Variants in NUP54 observed in about 807,000 individuals in gnomAD.
The protein encoded by NUP54 is nucleoporin p54.
In NUP54, 27 loss-of-function variants were observed where a neutral mutation model predicts 66.4. The observed-to-expected ratio is 0.41, with a 90% CI of 0.30 to 0.56. NUP54 has a LOEUF of 0.56. NUP54 is among the 20% of genes least tolerant of loss of function. NUP54 has a pLI of 0.34. For synonymous variants in NUP54, 206 were observed against 210.7 expected (o/e 0.98, Z 0.19); for missense variants, 486 against 596.3 (o/e 0.82, Z 1.93).
chr4:76,133,391 C>T (rs1730897743), intron 5 of NUP54, among the ~76,000 whole-genome samples: 1 of 151,762 alleles, frequency 6.6e-6, no homozygotes, highest in African/African-American at 2.4e-5. Context: ...CTGCAAGCTC[C>T]GCCTCCTGGG....
At chr4:76,131,741 T>C (rs1487913797) in intron 6 of NUP54, among the ~76,000 whole-genome samples, 2 of 152,120 alleles carry the variant, frequency 1.3e-5, no homozygotes, top group Admixed American at 1.3e-4. Flanking sequence ...TTTGGCAATA[T>C]CTAACATACA....
intron 8 of NUP54, among the ~76,000 whole-genome samples, chr4:76,128,377 T>C (rs1328809574): frequency 8.4e-6 from 1 of 119,304 alleles, no homozygotes; most frequent in African/African-American, 3.4e-5. Flanking sequence ...CTTGAAATAA[T>C]AGATTAAAAG....
chr4:76,140,965 G>A (rs1479764670), intron 3 of NUP54, among the ~76,000 whole-genome samples: 1 of 152,208 alleles, frequency 6.6e-6, no homozygotes, highest in Non-Finnish European at 1.5e-5. Flanking sequence ...AGCTAACAGA[G>A]CAGAAAGTAT....
chr4:76,147,815 G>A (rs553706200), intron 1 of NUP54: 340 of 376,576 alleles, frequency 9.0e-4, no homozygotes, highest in Non-Finnish European at 1.1e-3. Flanking sequence ...GCAGATGGAA[G>A]AAGCATGACG....
intron 9 of NUP54, among the ~76,000 whole-genome samples, chr4:76,123,616 A>G: frequency 6.6e-6 from 1 of 152,014 alleles, no homozygotes; most frequent in African/African-American, 2.4e-5. Context: ...AGGTTCAAGC[A>G]ATTCTCGTGC....
intron 11 of NUP54, among the ~76,000 whole-genome samples, chr4:76,116,949 C>T (rs1241313944): frequency 6.6e-6 from 1 of 152,034 alleles, no homozygotes; most frequent in East Asian, 1.9e-4. Flanking sequence ...AAAATTTTGC[C>T]TGTAACTATT....
In NUP54 at chr4:76,114,807, TAAGTA is replaced by T. The variant is rs1729877777; in HGVS notation, c.*554_*558del. Reference sequence around the variant, plus strand: ...TTAGGTGTGCTCTGTAAATTCCAAATAAGTAAAATAATATAAAAATACATTTTCAT... The same window carrying T: ...TTAGGTGTGCTCTGTAAATTCCAAATAAATAATATAAAAATACATTTTCAT... On this transcript the variant is annotated 3_prime_UTR_variant, in exon 12 of 12. Coordinates refer to ENST00000264883, the MANE Select transcript of NUP54 (RefSeq NM_017426.4). 6.6e-6 allele frequency: 1 copy of T among 152,190 alleles called. No individual in the cohort carries two copies. The highest frequency in any genetic ancestry group is 2.4e-5 in the African/African-American group (1 of 41,460). 9.4% of individuals were successfully genotyped at this position (152,190 alleles called of 1,614,324 possible).
At position 76,130,970 on chromosome 4, in the gene NUP54, A is replaced by T. The variant is rs533177519; in HGVS notation, c.963-221T>A. On this transcript the variant is annotated intron_variant, in intron 7 of 11. Coordinates refer to ENST00000264883, the MANE Select transcript of NUP54 (RefSeq NM_017426.4). ...GTTCAGTCAAAACATTACATTATTA[A>T]ATGAAAACGCAAATAGAATTTTCCG... 3.9e-4 allele frequency: 236 copies of T among 600,270 alleles called. 2 individuals carry two copies. In the South Asian group the frequency reaches 5.0e-3, roughly 13 times the overall value. 37.2% of individuals were successfully genotyped at this position (600,270 alleles called of 1,614,324 possible). A position where few individuals can be genotyped will look rare whatever the true frequency, so the allele number is the denominator to read the frequency against.
At chr4:76,146,175 CT>C (rs1437944119) in intron 1 of NUP54, 1 of 431,196 alleles carries the variant, frequency 2.3e-6, no homozygotes, top group Non-Finnish European at 4.6e-6. Context: ...TCTATCAGCC[CT>C]TTGCTGAAGG....
intron 3 of NUP54, among the ~76,000 whole-genome samples, chr4:76,140,842 G>A (rs571270107): frequency 5.3e-4 from 80 of 152,228 alleles, no homozygotes; most frequent in African/African-American, 1.9e-3. Flanking sequence ...CAAAGGCTTG[G>A]GGTTTTTTCA....
chr4:76,145,476 G>T, intron 1 of NUP54: 1 of 741,164 alleles, frequency 1.3e-6, no homozygotes, highest in Non-Finnish European at 1.8e-6. Context: ...ATTAATTTAT[G>T]TCTAAATTAA....
At chr4:76,133,019 GTA>G (rs373177830) in intron 5 of NUP54, among the ~76,000 whole-genome samples, 158 of 113,268 alleles carry the variant, frequency 1.4e-3, no homozygotes, top group African/African-American at 4.3e-3. Context: ...TAGCTTACAT[GTA>G]TGTGTGTCTA....
At chr4:76,148,107 C>T in intron 1 of NUP54, 1 of 431,316 alleles carries the variant, frequency 2.3e-6, no homozygotes, top group East Asian at 3.5e-5. Flanking sequence ...AAGCGAGCTT[C>T]TAGTGGGACC....
At chr4:76,133,135 C>T (rs528938761) in intron 5 of NUP54, among the ~76,000 whole-genome samples, 35 of 151,740 alleles carry the variant, frequency 2.3e-4, no homozygotes, top group Non-Finnish European at 4.1e-4. Context: ...TGGTCTCAAG[C>T]AATCCTCCCA....
intron 11 of NUP54, among the ~76,000 whole-genome samples, chr4:76,117,193 T>C (rs952823297): frequency 7.2e-5 from 11 of 152,254 alleles, no homozygotes; most frequent in Admixed American, 6.5e-4. Context: ...TATGAGTGGC[T>C]TATTTCATGA....
intron 6 of NUP54, 67 bp downstream of exon 6, chr4:76,132,456 G>C (rs1578682455): frequency 4.8e-6 from 6 of 1,239,046 alleles, no homozygotes; most frequent in Non-Finnish European, 6.6e-6. Flanking sequence ...CAACACCTCT[G>C]AAATACGGGG....
chr4:76,115,509 G>C lies in NUP54; in HGVS notation c.1396-15C>G. 1 of 1,580,492 alleles carries C rather than the reference G, an allele frequency of 6.3e-7. No individual in the cohort carries two copies. Among genetic ancestry groups the C allele is most frequent in the African/African-American group, 1.4e-5 (1 of 73,386 alleles). On this transcript the variant is annotated splice_polypyrimidine_tract_variant and intron_variant, in intron 11 of 11. Transcript: ENST00000264883. ...TGTTTCAAATGCTAGAACAAATTAA[G>C]AAACAACATATTAATGTATTAATTT...
rs1456845125 is a variant in NUP54 at position 76,125,667 on chromosome 4, AG to A, written c.1057-912del. Among the ~76,000 whole-genome samples the A allele has an allele frequency of 5.3e-3, 99 of 18,686 alleles. 10 individuals carry two copies. The highest frequency in any genetic ancestry group is 6.0e-3 in the Non-Finnish European group (64 of 10,612). The allele number at this position is 18,686 out of a possible 152,430, so 12.3% of individuals were successfully genotyped here. A position where few individuals can be genotyped will look rare whatever the true frequency, so the allele number is the denominator to read the frequency against. On this transcript the variant is annotated intron_variant, in intron 8 of 11. Coordinates refer to ENST00000264883, the MANE Select transcript of NUP54 (RefSeq NM_017426.4). The stretch of plus-strand genomic sequence containing the variant: ...GAGAGGGGGAGAGGGAGAGAGGGGG[AG>A]AGAGGGAGAGAGGGAGAGGGAGAGA...
At chr4:76,143,361 T>C (rs772056588) in intron 3 of NUP54, among the ~76,000 whole-genome samples, 2 of 152,158 alleles carry the variant, frequency 1.3e-5, no homozygotes, top group African/African-American at 2.4e-5. Context: ...ATCCCAGCAC[T>C]TTGGGAGGCC....
Sources: allele counts gnomAD v4.1 joint callset (sites outside exome capture counted in the v4.1 genomes callset), GRCh38; gene constraint gnomAD v4.1.1; transcripts MANE v1.5; gene names NCBI Gene and HGNC (gene_info 2026-07-23, HGNC 2026-07-21).